Variants in SPAG16 observed in about 807,000 individuals in gnomAD.
SPAG16 encodes sperm associated antigen 16.
SPAG16 carries 86 observed loss-of-function variants against 80.4 expected under a neutral mutation model. The observed-to-expected ratio is 1.07, with a 90% confidence interval of 0.90 to 1.28. SPAG16 has a LOEUF of 1.28. Ranked by LOEUF, SPAG16 falls within the 50% of genes most tolerant of loss-of-function variation. The probability of loss-of-function intolerance (pLI) is 0.00; values close to 1 mark genes in which losing one functional copy is unlikely to be tolerated. For synonymous variants in SPAG16, 294 were observed against 265.9 expected (o/e 1.11, Z -1.03); for missense variants, 870 against 765.3 (o/e 1.14, Z -1.61).
At chr2:214,216,231 CTT>C (rs557348785) in intron 15 of SPAG16, among the ~76,000 whole-genome samples, 577 of 152,150 alleles carry the variant, frequency 3.8e-3, no homozygotes, top group Admixed American at 7.6e-3. Flanking sequence ...TAAATAGTAT[CTT>C]ATAATGAATG....
intron 10 of SPAG16, among the ~76,000 whole-genome samples, chr2:213,669,562 A>T (rs1381346357): frequency 6.6e-6 from 1 of 152,236 alleles, no homozygotes; most frequent in African/African-American, 2.4e-5. Context: ...CTTTTTTAAA[A>T]ATTATAAATC....
At chr2:213,927,184 C>T (rs998998799) in intron 11 of SPAG16, among the ~76,000 whole-genome samples, 4 of 152,190 alleles carry the variant, frequency 2.6e-5, no homozygotes, top group African/African-American at 9.7e-5. Context: ...GTGCTCATGA[C>T]CTTGTCTAAA....
At chr2:214,060,037 G>C (rs2125173408) in intron 13 of SPAG16, among the ~76,000 whole-genome samples, 1 of 152,252 alleles carries the variant, frequency 6.6e-6, no homozygotes, top group East Asian at 1.9e-4. Context: ...ATGCAGGTGA[G>C]TGCAAGGTGA....
intron 15 of SPAG16, among the ~76,000 whole-genome samples, chr2:214,178,002 T>TGC (rs2057177705): frequency 1.7e-5 from 1 of 57,596 alleles, no homozygotes; most frequent in South Asian, 6.1e-4. Context: ...TATATATATA[T>TGC]ATATATATAT....
chr2:214,276,877 G>A (rs1163021148), intron 15 of SPAG16, among the ~76,000 whole-genome samples: 2 of 152,052 alleles, frequency 1.3e-5, no homozygotes, highest in African/African-American at 4.8e-5. Context: ...ATAATATCCT[G>A]CAGAGTGTTT....
rs1394458251 is a variant in SPAG16 at position 213,947,383 on chromosome 2, A to C, written c.1400+17238A>C. ...ACTATCAGTATTTCTTATCTTCTCT[A>C]TTCTAACGTGTGGTGGTATCTCATA... On this transcript the variant is annotated intron_variant, in intron 12 of 15. Transcript: ENST00000331683. Among the ~76,000 whole-genome samples the C allele has an allele frequency of 3.9e-5, 6 of 152,228 alleles. No homozygotes were observed. The East Asian group carries it at 1.2e-3, about 29-fold the overall frequency.
intron 5 of SPAG16, among the ~76,000 whole-genome samples, chr2:213,326,781 A>G (rs541001036): frequency 6.6e-6 from 1 of 152,154 alleles, no homozygotes; most frequent in South Asian, 2.1e-4. Flanking sequence ...AATTATAACA[A>G]GATAATCCAA....
At chr2:214,214,449 A>G (rs1207551271) in intron 15 of SPAG16, among the ~76,000 whole-genome samples, 1 of 151,666 alleles carries the variant, frequency 6.6e-6, no homozygotes, top group Non-Finnish European at 1.5e-5. Flanking sequence ...AGTCTTCCAT[A>G]TTTTCTTTGA....
chr2:214,207,662 A>G (rs1008883596), intron 15 of SPAG16, among the ~76,000 whole-genome samples: 2 of 152,100 alleles, frequency 1.3e-5, no homozygotes. Context: ...CTGGTAAAGT[A>G]TTGTTTCTGG....
At chr2:213,937,390 G>C (rs887752547) in intron 12 of SPAG16, among the ~76,000 whole-genome samples, 2 of 151,950 alleles carry the variant, frequency 1.3e-5, no homozygotes, top group Admixed American at 6.6e-5. Flanking sequence ...TATATTAATA[G>C]ACTGCCAAAG....
At chr2:214,118,114 A>G (rs2054032878) in intron 14 of SPAG16, among the ~76,000 whole-genome samples, 1 of 152,298 alleles carries the variant, frequency 6.6e-6, no homozygotes, top group East Asian at 1.9e-4. Flanking sequence ...TACAGACCCC[A>G]CTGAAAAACT....
intron 9 of SPAG16, among the ~76,000 whole-genome samples, chr2:213,465,477 C>T (rs1261280938): frequency 6.6e-6 from 1 of 152,208 alleles, no homozygotes; most frequent in African/African-American, 2.4e-5. Context: ...TAGGTTTGCA[C>T]TACTATCTGT....
chr2:213,299,057 TTTTG>T (rs1324944339), intron 3 of SPAG16, among the ~76,000 whole-genome samples: 2 of 152,194 alleles, frequency 1.3e-5, no homozygotes, highest in Non-Finnish European at 2.9e-5. Flanking sequence ...TAAATCCATT[TTTTG>T]TTCTGATCTT....
At chr2:214,193,527 G>A (rs1006345730) in intron 15 of SPAG16, among the ~76,000 whole-genome samples, 4 of 151,222 alleles carry the variant, frequency 2.6e-5, no homozygotes, top group African/African-American at 9.7e-5. Context: ...TAAATAAAAG[G>A]TCCTGGCAGT....
chr2:213,833,557 A>ATTATATATATATTATATATATT (rs376501467), intron 10 of SPAG16, among the ~76,000 whole-genome samples: 300 of 1,356 alleles, frequency 0.22, 114 homozygotes, highest in Non-Finnish European at 0.28. Context: ...TAATATATAT[A>ATTATATATATATTATATATATT]ATATATATAA....
At chr2:213,860,342 G>GAT (rs57174578) in intron 10 of SPAG16, among the ~76,000 whole-genome samples, 4,673 of 141,504 alleles carry the variant, frequency 0.033, 248 homozygotes, top group African/African-American at 0.11. Context: ...GTCATTTACA[G>GAT]ATATATATAT....
chr2:213,588,413 A>G (rs2060542873), intron 10 of SPAG16, among the ~76,000 whole-genome samples: 1 of 151,750 alleles, frequency 6.6e-6, no homozygotes, highest in East Asian at 1.9e-4. Context: ...CTTCAAAATT[A>G]TTTTTAAGGA....
intron 6 of SPAG16, among the ~76,000 whole-genome samples, chr2:213,345,999 C>A (rs1200313790): frequency 6.6e-6 from 1 of 152,162 alleles, no homozygotes; most frequent in Non-Finnish European, 1.5e-5. Context: ...GATATTGATT[C>A]TTCCTACCCA....
intron 15 of SPAG16, chr2:214,250,104 A>G (rs1328589984): frequency 6.6e-6 from 1 of 152,150 alleles, no homozygotes; most frequent in African/African-American, 2.4e-5. Flanking sequence ...TCAGACCAGC[A>G]ATTACATATC....
Sources: allele counts gnomAD v4.1 joint callset (sites outside exome capture counted in the v4.1 genomes callset), GRCh38; gene constraint gnomAD v4.1.1; transcripts MANE v1.5; gene names NCBI Gene and HGNC (gene_info 2026-07-23, HGNC 2026-07-21).